The following GCFC2 variants were observed in gnomAD, a reference collection of about 807,000 sequenced individuals.
The protein encoded by GCFC2 is GC-rich sequence DNA-binding factor 2.
A neutral mutation model predicts 99.4 loss-of-function variants in GCFC2; 102 were observed. The observed-to-expected ratio is 1.03, with a 90% CI of 0.87 to 1.21. The LOEUF (loss-of-function observed/expected upper bound fraction) is 1.21. Among genes scored for constraint, GCFC2 ranks in the 50% most tolerant of loss-of-function variants. GCFC2 has a pLI of 0.00. For synonymous variants in GCFC2, 338 were observed against 316.8 expected (o/e 1.07, Z -0.71); for missense variants, 973 against 920.9 (o/e 1.06, Z -0.73).
intron 10 of GCFC2, among the ~76,000 whole-genome samples, chr2:75,688,470 T>C (rs1013906447): frequency 6.6e-6 from 1 of 152,218 alleles, no homozygotes; most frequent in Non-Finnish European, 1.5e-5. Context: ...TTCTTTTTTT[T>C]TCTTTTAGTC....
chr2:75,668,777 A>C (rs1225394285), intron 15 of GCFC2, among the ~76,000 whole-genome samples: 24 of 152,148 alleles, frequency 1.6e-4, no homozygotes, highest in Admixed American at 1.5e-3. Flanking sequence ...TGCATCTCTA[A>C]TTTTTGACTT....
At position 75,710,708 on chromosome 2, in the gene GCFC2, C is replaced by G; in HGVS notation, c.148G>C (p.Gly50Arg). Residue 50 changes from glycine (G) to arginine (R), a missense_variant, in exon 1 of 17, where the codon GGC becomes CGC. Transcript: ENST00000321027. ...GGCAGTCCCGCCACCTGCGCGCGGCCTCCTCCAGAGGGCGGCTCTTCCTCC... is the reference window on the plus strand; with the variant it reads ...GGCAGTCCCGCCACCTGCGCGCGGCGTCCTCCAGAGGGCGGCTCTTCCTCC... ...SAEEEPPSGG[G>R]RAQVAGLPHR... 1.9e-6 allele frequency: 3 copies of G among 1,541,116 alleles called. No individual in the cohort carries two copies. Among genetic ancestry groups the G allele is most frequent in the Non-Finnish European group, 2.6e-6 (3 of 1,148,566 alleles).
At position 75,710,679 on chromosome 2, in the gene GCFC2, G is replaced by C; in HGVS notation, c.177C>G (p.His59Gln). The change falls in exon 1 of 17, where the codon CAC (histidine) becomes CAG (glutamine). Residue 59 changes from histidine to glutamine, a missense_variant. Transcript: ENST00000321027. Reference sequence around the variant, plus strand: ...CCCGGCCACGAGGGCCCCGAACCCGGTGGGGCAGTCCCGCCACCTGCGCGC... The same window carrying C: ...CCCGGCCACGAGGGCCCCGAACCCGCTGGGGCAGTCCCGCCACCTGCGCGC... The part of the protein sequence containing the change: ...GGRAQVAGLP[H>Q]RVRGPRGRGR... 6.6e-7 allele frequency: 1 copy of C among 1,524,682 alleles called. No homozygotes were observed. Among genetic ancestry groups the C allele is most frequent in the Non-Finnish European group, 8.8e-7 (1 of 1,141,500 alleles). 94.4% of individuals were successfully genotyped at this position (1,524,682 alleles called of 1,614,324 possible). A position where few individuals can be genotyped will look rare whatever the true frequency, so the allele number is the denominator to read the frequency against.
At chr2:75,672,567 G>A (rs1320135764) in intron 13 of GCFC2, among the ~76,000 whole-genome samples, 3 of 151,918 alleles carry the variant, frequency 2.0e-5, no homozygotes, top group Non-Finnish European at 4.4e-5. Flanking sequence ...TCACTGGATT[G>A]CTACAGTTCA....
intron 1 of GCFC2, 172 bp downstream of exon 1, chr2:75,710,419 C>T (rs939391010): frequency 7.4e-7 from 1 of 1,359,988 alleles, no homozygotes; most frequent in Non-Finnish European, 9.4e-7. Flanking sequence ...CGGGCAAGTG[C>T]TCGAGCTATT....
At chr2:75,696,028 T>A (rs1680304617) in intron 5 of GCFC2, among the ~76,000 whole-genome samples, 172 bp downstream of exon 5, 1 of 152,190 alleles carries the variant, frequency 6.6e-6, no homozygotes. Flanking sequence ...TGGGGGGGAC[T>A]AGTGTATACA....
In GCFC2 at chr2:75,710,577, G is replaced by A. The variant is rs762986761; in HGVS notation, c.265+14C>T. ...TGCCGTCACCTCCCCGCTTCCCCGC[G>A]TCTCCCTGGACACCTGAGCCTTCGT... On this transcript the variant is annotated intron_variant, in intron 1 of 16. Transcript: ENST00000321027. The A allele has an allele frequency of 4.0e-6, 6 of 1,490,968 alleles. No individual in the cohort carries two copies. The highest frequency in any genetic ancestry group is 2.7e-5 in the East Asian group (1 of 37,012). The allele number at this position is 1,490,968 out of a possible 1,614,324, so 92.4% of individuals were successfully genotyped here.
rs1678739423 is a variant in GCFC2, at chr2:75,664,504, C to T, written c.*162G>A. 2.3e-6 allele frequency: 1 copy of T among 432,836 alleles called. No homozygotes were observed. The highest frequency in any genetic ancestry group is 4.1e-5 in the Admixed American group (1 of 24,172). The allele number at this position is 432,836 out of a possible 1,614,324, so 26.8% of individuals were successfully genotyped here. On this transcript the variant is annotated 3_prime_UTR_variant, in exon 17 of 17. Transcript: ENST00000321027. The stretch of plus-strand genomic sequence containing the variant: ...GAATCATGGCAGCTTTTCATGATGC[C>T]AGAAGGTAAAGCACGGGGGAATACA...
At position 75,663,053 on chromosome 2, in the gene GCFC2, A is replaced by G. The variant is rs1573034746; in HGVS notation, c.*1613T>C. 6.6e-6 allele frequency: 1 copy of G among 152,194 alleles called. No individual in the cohort carries two copies. The highest frequency in any genetic ancestry group is 2.4e-5 in the African/African-American group (1 of 41,464). 9.4% of individuals were successfully genotyped at this position (152,194 alleles called of 1,614,324 possible). On this transcript the variant is annotated 3_prime_UTR_variant, in exon 17 of 17. Coordinates refer to ENST00000321027, the MANE Select transcript of GCFC2 (RefSeq NM_003203.5). Reference sequence around the variant, plus strand: ...TGTGTGGAAATGCTAACTGCTTTTCAACAATAGTTTGCATTTTCTAGATGA... The same window carrying G: ...TGTGTGGAAATGCTAACTGCTTTTCGACAATAGTTTGCATTTTCTAGATGA...
intron 14 of GCFC2, 77 bp from the exon 15 acceptor site, chr2:75,670,361 T>C (rs1367766292): frequency 1.0e-6 from 1 of 979,862 alleles, no homozygotes; most frequent in South Asian, 1.5e-5. Context: ...ACATGAAGAG[T>C]TGGTCAAACT....
chr2:75,687,817 G>A lies in GCFC2; in HGVS notation c.1690+10C>T, dbSNP rs376355966. 2.0e-5 allele frequency: 32 copies of A among 1,590,640 alleles called. No individual in the cohort carries two copies. In the Middle Eastern group the frequency reaches 5.0e-4, roughly 25 times the overall value. On this transcript the variant is annotated intron_variant, in intron 11 of 16. Transcript: ENST00000321027. ...AATAATTTAATTTTACCAAGGTTAC[G>A]AAGCAGTACCTGTAAGTCGGGGAAT...
intron 13 of GCFC2, among the ~76,000 whole-genome samples, chr2:75,672,825 G>C (rs923491341): frequency 6.6e-6 from 1 of 152,046 alleles, no homozygotes; most frequent in African/African-American, 2.4e-5. Context: ...CCTACTAACA[G>C]TGGACGTGTG....
intron 3 of GCFC2, 86 bp downstream of exon 3, chr2:75,702,113 C>T (rs1243090013): frequency 5.9e-6 from 9 of 1,519,244 alleles, no homozygotes; most frequent in South Asian, 1.2e-5. Context: ...AAATGTGAGC[C>T]AGCATATTAC....
chr2:75,686,605 A>G (rs1281801608), intron 11 of GCFC2, among the ~76,000 whole-genome samples: 2 of 152,096 alleles, frequency 1.3e-5, no homozygotes, highest in African/African-American at 4.8e-5. Context: ...TTAGCTGGGT[A>G]TGGTGGCACG....
intron 13 of GCFC2, among the ~76,000 whole-genome samples, chr2:75,673,092 C>T (rs1166471948): frequency 6.6e-6 from 1 of 151,968 alleles, no homozygotes; most frequent in African/African-American, 2.4e-5. Flanking sequence ...GGGCGGATCA[C>T]AAGGTCAGGA....
At chr2:75,687,020 C>T (rs897991479) in intron 11 of GCFC2, among the ~76,000 whole-genome samples, 2 of 151,536 alleles carry the variant, frequency 1.3e-5, no homozygotes, top group Non-Finnish European at 2.9e-5. Flanking sequence ...CCGCAACCTT[C>T]GCCTCCCAGG....
At chr2:75,675,164 A>C (rs1679279679) in intron 12 of GCFC2, among the ~76,000 whole-genome samples, 3 of 152,336 alleles carry the variant, frequency 2.0e-5, no homozygotes, top group African/African-American at 7.2e-5. Flanking sequence ...CAAAAGTGGA[A>C]TATGGATGGT....
At chr2:75,678,713 T>A (rs942106311) in intron 12 of GCFC2, among the ~76,000 whole-genome samples, 1 of 152,234 alleles carries the variant, frequency 6.6e-6, no homozygotes, top group Non-Finnish European at 1.5e-5. Context: ...CTGTGACAAC[T>A]AGTTTTAAAG....
At chr2:75,683,771 C>CAAAAAAAAAAAAAAAAAAAAAAAAA (rs749580096) in intron 11 of GCFC2, among the ~76,000 whole-genome samples, 1 of 60,400 alleles carries the variant, frequency 1.7e-5, no homozygotes, top group Non-Finnish European at 3.1e-5. Flanking sequence ...AAATGGAAAG[C>CAAAAAAAAAAAAAAAAAAAAAAAAA]AAAAAAAAAA....
Sources: allele counts gnomAD v4.1 joint callset (sites outside exome capture counted in the v4.1 genomes callset), GRCh38; gene constraint gnomAD v4.1.1; transcripts MANE v1.5; gene names NCBI Gene and HGNC (gene_info 2026-07-23, HGNC 2026-07-21).